LRRC3B: variants seen among roughly 807,000 people sequenced by gnomAD.
LRRC3B encodes leucine rich repeat containing 3B, also known as leucine-rich repeat-containing protein 3B.
LRRC3B carries 2 observed loss-of-function variants against 12.8 expected under a neutral mutation model. The ratio of observed to expected loss-of-function variants is 0.16; its 90% confidence interval spans 0.06 to 0.49. The LOEUF (loss-of-function observed/expected upper bound fraction) is 0.49. Among genes scored for constraint, LRRC3B ranks in the 20% least tolerant of loss-of-function variants. The pLI, the probability that LRRC3B is intolerant of heterozygous loss-of-function variation, is 0.96. For missense variants in LRRC3B, 189 were observed against 319.4 expected (o/e 0.59, Z 3.11); for synonymous variants, 132 against 122.0 (o/e 1.08, Z -0.54).
At chr3:26,644,057 A>T (rs1699091261) in intron 1 of LRRC3B, among the ~76,000 whole-genome samples, 1 of 152,224 alleles carries the variant, frequency 6.6e-6, no homozygotes, top group African/African-American at 2.4e-5. Context: ...TGGTATTTAC[A>T]TATGCTTTGA....
At chr3:26,652,727 T>C (rs1041942553) in intron 1 of LRRC3B, among the ~76,000 whole-genome samples, 2 of 152,120 alleles carry the variant, frequency 1.3e-5, no homozygotes, top group African/African-American at 2.4e-5. Context: ...AAATCACAGA[T>C]GTTTTAGAGA....
At chr3:26,633,321 C>T (rs1404452768) in intron 1 of LRRC3B, among the ~76,000 whole-genome samples, 2 of 152,134 alleles carry the variant, frequency 1.3e-5, no homozygotes, top group Non-Finnish European at 2.9e-5. Flanking sequence ...TAGTATGCCT[C>T]AGTTTTCTCT....
intron 1 of LRRC3B, among the ~76,000 whole-genome samples, chr3:26,628,569 A>G (rs1004370582): frequency 2.0e-5 from 3 of 151,876 alleles, no homozygotes; most frequent in Non-Finnish European, 2.9e-5. Context: ...TATTATCTGA[A>G]GATTGTGACT....
intron 1 of LRRC3B, chr3:26,624,999 T>C (rs1034215223): frequency 6.6e-6 from 1 of 152,290 alleles, no homozygotes; most frequent in Non-Finnish European, 1.5e-5. Context: ...CTTCTCTCCC[T>C]GAGGAGGTGC....
At chr3:26,627,860 G>T (rs903691379) in intron 1 of LRRC3B, among the ~76,000 whole-genome samples, 3 of 152,168 alleles carry the variant, frequency 2.0e-5, no homozygotes, top group Non-Finnish European at 4.4e-5. Flanking sequence ...GGGGATACCG[G>T]CTTAGTTGAG....
chr3:26,649,263 G>A lies in LRRC3B; in HGVS notation c.-161+26026G>A, dbSNP rs186371053. Among the ~76,000 whole-genome samples, 20 of 152,242 alleles carry A rather than the reference G, an allele frequency of 1.3e-4. No homozygotes were observed. In the South Asian group the frequency reaches 2.1e-3, roughly 16 times the overall value. ...AGAACATCACACAGGTGATCCTTTC[G>A]TTTGTTTGCTTGTTTTCGAGAATGG... On this transcript the variant is annotated intron_variant, in intron 1 of 1. Transcript: ENST00000396641.
intron 1 of LRRC3B, among the ~76,000 whole-genome samples, chr3:26,669,002 T>C (rs1419598512): frequency 1.3e-5 from 2 of 152,224 alleles, no homozygotes; most frequent in African/African-American, 2.4e-5. Context: ...GCATTGTCTA[T>C]AGACTGAACA....
intron 1 of LRRC3B, among the ~76,000 whole-genome samples, chr3:26,680,141 T>G (rs1178936040): frequency 6.6e-6 from 1 of 152,214 alleles, no homozygotes; most frequent in African/African-American, 2.4e-5. Context: ...TCCCAGGTGA[T>G]GCAGATGCTG....
intron 1 of LRRC3B, chr3:26,625,152 C>T (rs1054884775): frequency 5.9e-5 from 9 of 152,490 alleles, no homozygotes; most frequent in African/African-American, 2.2e-4. Flanking sequence ...CACGTGCAGG[C>T]TTTTCTTACT....
intron 1 of LRRC3B, among the ~76,000 whole-genome samples, chr3:26,703,099 T>G (rs1700497715): frequency 6.6e-6 from 1 of 152,122 alleles, no homozygotes; most frequent in Non-Finnish European, 1.5e-5. Flanking sequence ...AAATTACTTA[T>G]GCAATTTATT....
intron 1 of LRRC3B, among the ~76,000 whole-genome samples, chr3:26,667,447 C>A (rs1699629584): frequency 6.6e-6 from 1 of 152,138 alleles, no homozygotes; most frequent in Non-Finnish European, 1.5e-5. Flanking sequence ...TCTCACCTAG[C>A]AACAATTTAG....
intron 1 of LRRC3B, among the ~76,000 whole-genome samples, chr3:26,662,385 A>T (rs768131247): frequency 6.6e-6 from 1 of 152,056 alleles, no homozygotes; most frequent in African/African-American, 2.4e-5. Context: ...ATTGAAATGT[A>T]TTACTCCGGA....
intron 1 of LRRC3B, among the ~76,000 whole-genome samples, chr3:26,644,676 G>A (rs1352620684): frequency 2.0e-5 from 3 of 152,132 alleles, no homozygotes; most frequent in Non-Finnish European, 4.4e-5. Flanking sequence ...AGTTATTAAG[G>A]GCATTTTGGG....
intron 1 of LRRC3B, among the ~76,000 whole-genome samples, chr3:26,684,318 G>A (rs1352080029): frequency 3.3e-5 from 5 of 152,174 alleles, no homozygotes; most frequent in East Asian, 1.9e-4. Context: ...AGGACTATGC[G>A]ATATTCAGAA....
chr3:26,685,909 T>G (rs1700078354), intron 1 of LRRC3B, among the ~76,000 whole-genome samples: 1 of 152,050 alleles, frequency 6.6e-6, no homozygotes, highest in Non-Finnish European at 1.5e-5. Flanking sequence ...CATCTTTTTC[T>G]GGTGGCAAAC....
intron 1 of LRRC3B, among the ~76,000 whole-genome samples, chr3:26,645,605 T>G (rs1043022902): frequency 3.3e-5 from 5 of 152,130 alleles, no homozygotes; most frequent in Non-Finnish European, 7.4e-5. Context: ...TAAATATTTT[T>G]TGAATGCCTA....
intron 1 of LRRC3B, among the ~76,000 whole-genome samples, chr3:26,653,756 A>G (rs1323887207): frequency 6.6e-6 from 1 of 152,162 alleles, no homozygotes; most frequent in Non-Finnish European, 1.5e-5. Context: ...CCCCCATGTA[A>G]ACTCACTGTG....
chr3:26,635,389 T>C lies in LRRC3B; in HGVS notation c.-161+12152T>C, dbSNP rs142423564. ...CCCCCAATGTGATGGTATTTGGAGATAGGGCCTTTGGGAAGTAATTAGATC... is the reference window on the plus strand; with the variant it reads ...CCCCCAATGTGATGGTATTTGGAGACAGGGCCTTTGGGAAGTAATTAGATC... On this transcript the variant is annotated intron_variant, in intron 1 of 1. Coordinates refer to ENST00000396641, the Ensembl canonical transcript of LRRC3B. Among the ~76,000 whole-genome samples the C allele has an allele frequency of 3.8e-3, 577 of 152,292 alleles. 1 individual carries two copies. Among genetic ancestry groups the C allele is most frequent in the Middle Eastern group, 0.017 (5 of 294 alleles).
chr3:26,661,652 C>A (rs1373355611), intron 1 of LRRC3B, among the ~76,000 whole-genome samples: 2 of 152,078 alleles, frequency 1.3e-5, no homozygotes, highest in Non-Finnish European at 2.9e-5. Flanking sequence ...ACACTTATGT[C>A]TTCCCCATTC....
Sources: allele counts gnomAD v4.1 joint callset (sites outside exome capture counted in the v4.1 genomes callset), GRCh38; gene constraint gnomAD v4.1.1; transcripts MANE v1.5; gene names NCBI Gene and HGNC (gene_info 2026-07-23, HGNC 2026-07-21).